SP1: variants seen among roughly 807,000 people sequenced by gnomAD.
The protein encoded by SP1 is Sp1 transcription factor.
A neutral mutation model predicts 66.3 loss-of-function variants in SP1; 6 were observed. The ratio of observed to expected loss-of-function variants is 0.09; its 90% CI spans 0.05 to 0.18. The LOEUF (loss-of-function observed/expected upper bound fraction) is 0.18. Ranked by LOEUF, SP1 falls within the 10% of genes least tolerant of loss-of-function variation. The probability of loss-of-function intolerance (pLI) is 1.00; values close to 1 mark genes in which losing one functional copy is unlikely to be tolerated. For missense variants in SP1, 848 were observed against 964.5 expected (o/e 0.88, Z 1.60); for synonymous variants, 417 against 360.8 (o/e 1.16, Z -1.77).
intron 3 of SP1, among the ~76,000 whole-genome samples, chr12:53,397,856 AGATAATC>A (rs1938525019): frequency 6.6e-6 from 1 of 152,072 alleles, no homozygotes; most frequent in Admixed American, 6.6e-5. Context: ...GCCCGACCGT[AGATAATC>A]TTTTACTTGT....
chr12:53,387,307 C>T (rs1299195598), intron 3 of SP1, among the ~76,000 whole-genome samples: 1 of 152,132 alleles, frequency 6.6e-6, no homozygotes, highest in African/African-American at 2.4e-5. Context: ...CTTTTGTTAC[C>T]AAGTTCTCAT....
intron 3 of SP1, among the ~76,000 whole-genome samples, chr12:53,399,075 A>G (rs1312284030): frequency 6.6e-6 from 1 of 152,134 alleles, no homozygotes; most frequent in East Asian, 1.9e-4. Flanking sequence ...GTGTAAGTAA[A>G]TGTAAGTCTG....
Position 53,383,600 on chromosome 12 carries a change from G to A in SP1, c.1653G>A (p.Pro551=), listed in dbSNP as rs764934565. ...GIQVHPIQGL[P]LAIANAPGDH... ...AGGTGCACCCAATTCAAGGCCTGCC[G>A]TTGGCTATAGCAAATGCCCCAGGTA... Residue 551 remains proline (P), a synonymous_variant, in exon 3 of 6, where the codon CCG becomes CCA. Transcript: ENST00000327443. 6.2e-6 allele frequency: 10 copies of A among 1,609,042 alleles called. No individual in the cohort carries two copies. The African/African-American group carries it at 6.7e-5, about 11-fold the overall frequency.
At chr12:53,386,644 A>G (rs527314195) in intron 3 of SP1, among the ~76,000 whole-genome samples, 1 of 152,012 alleles carries the variant, frequency 6.6e-6, no homozygotes, top group Admixed American at 6.6e-5. Flanking sequence ...GGCGTGTGCC[A>G]CCATGCCCGC....
chr12:53,411,230 A>C lies in SP1; in HGVS notation c.2348A>C (p.Asn783Thr). The change falls in exon 6 of 6, where the codon AAT becomes ACT. Residue 783 changes from asparagine (N) to threonine (T), a missense_variant. Transcript: ENST00000327443. ...CTGCAGTCCATTAATATCAGTGGCA[A>C]TGGCTTCTGAGATCAGGCACCCGGG... is the stretch of plus-strand genomic sequence containing the variant. ...ADLQSINISG[N>T]GF 1.9e-6 allele frequency: 3 copies of C among 1,609,862 alleles called. No individual in the cohort carries two copies. Among genetic ancestry groups the C allele is most frequent in the Non-Finnish European group, 2.5e-6 (3 of 1,177,720 alleles).
At chr12:53,386,654 C>T (rs1173642875) in intron 3 of SP1, among the ~76,000 whole-genome samples, 1 of 149,914 alleles carries the variant, frequency 6.7e-6, no homozygotes, top group South Asian at 2.1e-4. Flanking sequence ...ACCATGCCCG[C>T]CTAATTGTTT....
chr12:53,380,564 C>A, intron 1 of SP1: 1 of 750,898 alleles, frequency 1.3e-6, no homozygotes, highest in South Asian at 6.4e-5. Flanking sequence ...GGGGGACGGG[C>A]CTTACCCCCC....
At position 53,398,310 on chromosome 12, in the gene SP1, T is replaced by G. The variant is rs563055607; in HGVS notation, c.1676-8275T>G. ...TTTTGTTTTTTGTTTTGAGACAGAG[T>G]CTCGCTCTGTCTCCCAGGCTGGAGT... On this transcript the variant is annotated intron_variant, in intron 3 of 5. Transcript: ENST00000327443. Among the ~76,000 whole-genome samples, 37 of 152,184 alleles carry G rather than the reference T, an allele frequency of 2.4e-4. 1 individual carries two copies. The highest frequency in any genetic ancestry group is 2.2e-3 in the Admixed American group (34 of 15,270).
intron 4 of SP1, among the ~76,000 whole-genome samples, chr12:53,407,935 G>C (rs1340664833): frequency 3.4e-5 from 5 of 145,384 alleles, no homozygotes; most frequent in African/African-American, 1.3e-4. Flanking sequence ...GGGGGCGCCC[G>C]GCCTTTTTTT....
At chr12:53,387,491 CTTAG>C (rs1236974930) in intron 3 of SP1, among the ~76,000 whole-genome samples, 1 of 152,074 alleles carries the variant, frequency 6.6e-6, no homozygotes, top group Non-Finnish European at 1.5e-5. Context: ...CAGTAATTTT[CTTAG>C]TTAATTGAAA....
intron 3 of SP1, among the ~76,000 whole-genome samples, chr12:53,396,483 G>A (rs987488930): frequency 1.3e-5 from 2 of 151,578 alleles, no homozygotes; most frequent in South Asian, 2.1e-4. Flanking sequence ...CAAGAGAATC[G>A]CTTGAACCCG....
chr12:53,386,574 C>T (rs1041370910), intron 3 of SP1, among the ~76,000 whole-genome samples: 2 of 151,306 alleles, frequency 1.3e-5, no homozygotes, highest in African/African-American at 4.9e-5. Context: ...TCACTGCAAC[C>T]TCCCCTTCCT....
At chr12:53,406,036 C>T (rs1410029357) in intron 3 of SP1, among the ~76,000 whole-genome samples, 7 of 144,018 alleles carry the variant, frequency 4.9e-5, no homozygotes, top group Non-Finnish European at 1.1e-4. Context: ...CAGATTTTTA[C>T]GTATTTATTG....
chr12:53,392,180 G>A (rs1229530170), intron 3 of SP1, among the ~76,000 whole-genome samples: 1 of 151,976 alleles, frequency 6.6e-6, no homozygotes, highest in Non-Finnish European at 1.5e-5. Flanking sequence ...CTTAGAAGAA[G>A]GAGTTTTTTG....
At chr12:53,387,677 A>G (rs975682373) in intron 3 of SP1, among the ~76,000 whole-genome samples, 3 of 152,186 alleles carry the variant, frequency 2.0e-5, no homozygotes, top group African/African-American at 4.8e-5. Flanking sequence ...GACTTGAACA[A>G]TTCTTTAGAT....
chr12:53,401,320 G>A (rs1938605441), intron 3 of SP1, among the ~76,000 whole-genome samples: 1 of 151,606 alleles, frequency 6.6e-6, no homozygotes, highest in African/African-American at 2.4e-5. Flanking sequence ...GCATGGTGGT[G>A]GGCGCCTGTA....
intron 3 of SP1, among the ~76,000 whole-genome samples, chr12:53,394,082 A>G (rs149919208): frequency 0.18 from 27,614 of 151,668 alleles, 2,616 homozygotes; most frequent in African/African-American, 0.21. Context: ...CGGCGTGGTG[A>G]TGCATGCCTG....
chr12:53,406,824 A>AT (rs1938750097), intron 4 of SP1, 71 bp downstream of exon 4: 3 of 1,359,346 alleles, frequency 2.2e-6, no homozygotes, highest in African/African-American at 3.7e-5. Flanking sequence ...GAGGAAGAAG[A>AT]TTAATTTTTT....
chr12:53,398,449 A>G (rs1024467320), intron 3 of SP1, among the ~76,000 whole-genome samples: 1 of 151,992 alleles, frequency 6.6e-6, no homozygotes, highest in Non-Finnish European at 1.5e-5. Flanking sequence ...CGCCTAGCTA[A>G]TTTTTGTATT....
Sources: gnomAD v4.1 joint callset for allele counts (sites outside exome capture counted in the v4.1 genomes callset) on GRCh38, gnomAD v4.1.1 for gene constraint, MANE v1.5 for transcripts, NCBI Gene and HGNC (gene_info 2026-07-23, HGNC 2026-07-21) for gene names.